The following ULK4 variants were observed in gnomAD, a reference collection of about 807,000 sequenced individuals.
ULK4 encodes the protein unc-51 like kinase 4.
In ULK4, 133 loss-of-function variants were observed where a neutral mutation model predicts 160.6. The ratio of observed to expected loss-of-function variants is 0.83; its 90% CI spans 0.72 to 0.96. ULK4 has a LOEUF of 0.96. Ranked by LOEUF, ULK4 falls within the 40% of genes least tolerant of loss-of-function variation. The pLI is 0.00. For missense variants in ULK4, 1,580 were observed against 1,499.5 expected (o/e 1.05, Z -0.89); for synonymous variants, 534 against 539.8 (o/e 0.99, Z 0.15).
rs533615075 is a variant in ULK4 at position 41,786,175 on chromosome 3, T to C, written c.2193+3486A>G. 5.9e-5 allele frequency among the ~76,000 whole-genome samples: 9 copies of C among 152,306 alleles called. No homozygotes were observed. The South Asian group carries it at 1.7e-3, about 28-fold the overall frequency. ...AACTATCCCAAATTACTGCGTTTTG[T>C]TTATTATCAGCCCCTCCTGTTAGGG... On this transcript the variant is annotated intron_variant, in intron 21 of 36. Transcript: ENST00000301831.
intron 31 of ULK4, among the ~76,000 whole-genome samples, chr3:41,603,814 G>A (rs189292611): frequency 3.9e-4 from 60 of 152,110 alleles, no homozygotes; most frequent in African/African-American, 1.4e-3. Flanking sequence ...TTAAGAAAGC[G>A]TTAACAGATA....
intron 34 of ULK4, among the ~76,000 whole-genome samples, chr3:41,401,747 C>T (rs1165291438): frequency 1.3e-5 from 2 of 152,140 alleles, no homozygotes; most frequent in Admixed American, 6.6e-5. Flanking sequence ...TCAATTTCAG[C>T]CATTATACAA....
chr3:41,748,408 A>AT (rs913581013), intron 22 of ULK4, among the ~76,000 whole-genome samples: 1 of 152,028 alleles, frequency 6.6e-6, no homozygotes, highest in African/African-American at 2.4e-5. Context: ...TCTTAATGGG[A>AT]TTTTGGTCAG....
intron 29 of ULK4, 144 bp from the exon 30 acceptor site, chr3:41,663,843 A>T: frequency 1.6e-6 from 1 of 633,354 alleles, no homozygotes; most frequent in Non-Finnish European, 2.7e-6. Flanking sequence ...TTTACCTCTC[A>T]TGTGCCCCTT....
intron 27 of ULK4, among the ~76,000 whole-genome samples, chr3:41,696,283 C>CTGCCTT (rs2036497441): frequency 6.6e-6 from 1 of 152,226 alleles, no homozygotes; most frequent in Admixed American, 6.5e-5. Context: ...ACACCTGGCT[C>CTGCCTT]TGCCTTTTAG....
At chr3:41,440,272 T>C (rs2083133305) in intron 34 of ULK4, among the ~76,000 whole-genome samples, 1 of 152,138 alleles carries the variant, frequency 6.6e-6, no homozygotes, top group Admixed American at 6.5e-5. Flanking sequence ...TCTGTTTGTG[T>C]TTCAGATCTT....
intron 35 of ULK4, among the ~76,000 whole-genome samples, chr3:41,258,115 T>C (rs2078870369): frequency 1.3e-5 from 2 of 152,154 alleles, no homozygotes; most frequent in South Asian, 2.1e-4. Flanking sequence ...TAAATTAAGA[T>C]AGGAACCAGC....
At chr3:41,439,013 C>G (rs1235776774) in intron 34 of ULK4, among the ~76,000 whole-genome samples, 1 of 150,330 alleles carries the variant, frequency 6.7e-6, no homozygotes, top group African/African-American at 2.4e-5. Context: ...GAAATAGGAT[C>G]TTCAATGTAA....
intron 31 of ULK4, among the ~76,000 whole-genome samples, chr3:41,580,537 C>T (rs917884355): frequency 5.3e-5 from 8 of 152,038 alleles, no homozygotes; most frequent in East Asian, 1.9e-4. Flanking sequence ...CCAACAGCAA[C>T]GACTCTGAAC....
rs925793729 is a variant in ULK4, at chr3:41,581,615, A to G, written c.3121-15485T>C. ...TTGAATGTCATTTCTTTGACAATCT[A>G]TATGAACAGCAGGCTAGGCCAGGCC... On this transcript the variant is annotated intron_variant, in intron 31 of 36. Coordinates refer to ENST00000301831, the MANE Select transcript of ULK4 (RefSeq NM_017886.4). Among the ~76,000 whole-genome samples the G allele has an allele frequency of 6.6e-5, 10 of 152,222 alleles. 1 individual carries two copies. Among genetic ancestry groups the G allele is most frequent in the South Asian group, 4.1e-4 (2 of 4,832 alleles).
chr3:41,411,288 A>G (rs2082404052), intron 34 of ULK4, among the ~76,000 whole-genome samples: 4 of 152,136 alleles, frequency 2.6e-5, no homozygotes. Context: ...CAGCATTAAC[A>G]TCAACACATA....
intron 18 of ULK4, among the ~76,000 whole-genome samples, chr3:41,821,637 A>G (rs2041149577): frequency 6.6e-6 from 1 of 152,082 alleles, no homozygotes; most frequent in South Asian, 2.1e-4. Context: ...AATTTTCAAC[A>G]TCTTATCCCC....
chr3:41,850,860 G>A lies in ULK4; in HGVS notation c.1657-14889C>T, dbSNP rs2042194381. Among the ~76,000 whole-genome samples the A allele has an allele frequency of 3.3e-5, 5 of 152,270 alleles. No homozygotes were observed. In the South Asian group the frequency reaches 1.0e-3, roughly 32 times the overall value. On this transcript the variant is annotated intron_variant, in intron 17 of 36. Transcript: ENST00000301831. ...GGCTTTTGTTGCCATTGCTTTTGGT[G>A]TCCTAGACATGAAGTCCTTGCCCAT...
intron 30 of ULK4, among the ~76,000 whole-genome samples, chr3:41,660,461 C>A (rs2035113185): frequency 6.6e-6 from 1 of 152,186 alleles, no homozygotes; most frequent in South Asian, 2.1e-4. Context: ...AAATACTGTT[C>A]TTTTTTCTCC....
intron 31 of ULK4, among the ~76,000 whole-genome samples, chr3:41,569,288 G>A (rs976702438): frequency 6.6e-5 from 10 of 152,012 alleles, no homozygotes; most frequent in African/African-American, 2.4e-4. Flanking sequence ...TGGAGATTGG[G>A]ACTCAAAGTT....
At chr3:41,895,616 T>C (rs1235235346) in intron 15 of ULK4, 52 bp from the exon 16 acceptor site, 1 of 1,194,670 alleles carries the variant, frequency 8.4e-7, no homozygotes, top group Non-Finnish European at 1.1e-6. Flanking sequence ...AATGTTTAAG[T>C]CACAAAACAC....
intron 18 of ULK4, among the ~76,000 whole-genome samples, chr3:41,830,605 G>A (rs1010960573): frequency 1.3e-5 from 2 of 151,868 alleles, no homozygotes; most frequent in African/African-American, 2.4e-5. Context: ...CTCAAGCAGG[G>A]GGCAGGGATG....
chr3:41,878,040 A>C (rs1337480669), intron 17 of ULK4, among the ~76,000 whole-genome samples: 7 of 151,840 alleles, frequency 4.6e-5, no homozygotes, highest in Non-Finnish European at 8.8e-5. Context: ...CTTTTTAAGA[A>C]ACAATAGTAC....
intron 17 of ULK4, among the ~76,000 whole-genome samples, chr3:41,866,958 G>A (rs902271565): frequency 2.0e-5 from 3 of 152,086 alleles, no homozygotes; most frequent in South Asian, 2.1e-4. Context: ...CAGTCTTGAC[G>A]TTAGTAATTT....
Sources: gnomAD v4.1 joint callset for allele counts (sites outside exome capture counted in the v4.1 genomes callset) on GRCh38, gnomAD v4.1.1 for gene constraint, MANE v1.5 for transcripts, NCBI Gene and HGNC (gene_info 2026-07-23, HGNC 2026-07-21) for gene names.